The following FRMD4B variants were observed in gnomAD, a reference collection of about 807,000 sequenced individuals.
FRMD4B encodes FERM domain containing 4B.
Under a neutral mutation model 141.5 loss-of-function variants are expected in FRMD4B, and 74 were observed. That is an observed-to-expected ratio of 0.52 (90% confidence interval 0.43 to 0.63). The LOEUF (loss-of-function observed/expected upper bound fraction) is 0.63. Ranked by LOEUF, FRMD4B falls within the 30% of genes least tolerant of loss-of-function variation. FRMD4B has a pLI of 0.00. For synonymous variants in FRMD4B, 506 were observed against 467.9 expected, an observed-to-expected ratio of 1.08 and a Z score of -1.05; for missense variants, 1,366 against 1,253.4, an observed-to-expected ratio of 1.09 and a Z score of -1.36.
At chr3:69,402,742 G>A (rs1704586655) in intron 2 of FRMD4B, among the ~76,000 whole-genome samples, 1 of 152,186 alleles carries the variant, frequency 6.6e-6, no homozygotes, top group South Asian at 2.1e-4. Context: ...TAGACAGTAT[G>A]ACATGAGGGT....
intron 21 of FRMD4B, among the ~76,000 whole-genome samples, chr3:69,178,324 T>C (rs1333748016): frequency 6.6e-6 from 1 of 152,188 alleles, no homozygotes; most frequent in Non-Finnish European, 1.5e-5. Context: ...CACTCTGAGT[T>C]TGAGCTTCCA....
intron 1 of FRMD4B, among the ~76,000 whole-genome samples, chr3:69,522,352 G>A (rs1279314070): frequency 6.6e-6 from 1 of 151,126 alleles, no homozygotes; most frequent in Non-Finnish European, 1.5e-5. Flanking sequence ...CTATCCAGAA[G>A]TCAGATGAGG....
intron 1 of FRMD4B, among the ~76,000 whole-genome samples, chr3:69,374,731 A>C (rs1703919108): frequency 6.6e-6 from 1 of 152,196 alleles, no homozygotes; most frequent in South Asian, 2.1e-4. Context: ...AGTAGCATTA[A>C]GAGGCTAGTG....
chr3:69,437,746 T>C (rs1376027199), intron 1 of FRMD4B, among the ~76,000 whole-genome samples: 1 of 130,154 alleles, frequency 7.7e-6, no homozygotes, highest in Non-Finnish European at 1.5e-5. Context: ...TACAATACTA[T>C]ATAAAGTATG....
At chr3:69,316,243 C>T (rs1701799691) in intron 1 of FRMD4B, among the ~76,000 whole-genome samples, 1 of 152,142 alleles carries the variant, frequency 6.6e-6, no homozygotes, top group Admixed American at 6.5e-5. Context: ...TGGCCTAAGC[C>T]TATGTCCTTA....
chr3:69,244,397 G>T (rs74526351), intron 7 of FRMD4B, among the ~76,000 whole-genome samples: 2,732 of 152,280 alleles, frequency 0.018, 88 homozygotes, highest in African/African-American at 0.062. Context: ...GAATTAGGTG[G>T]TCAGTCATTG....
At chr3:69,310,044 G>A (rs9310147) in intron 3 of FRMD4B, among the ~76,000 whole-genome samples, 15 of 152,198 alleles carry the variant, frequency 9.9e-5, no homozygotes, top group African/African-American at 3.4e-4. Flanking sequence ...TCAAATGGTA[G>A]CTGTTGAGTG....
intron 1 of FRMD4B, among the ~76,000 whole-genome samples, chr3:69,517,556 G>C (rs900723064): frequency 4.6e-5 from 7 of 152,092 alleles, no homozygotes; most frequent in African/African-American, 1.7e-4. Flanking sequence ...CCTTTCAAAG[G>C]CTTCATGTGT....
chr3:69,200,828 T>C (rs1226345797), intron 11 of FRMD4B: 2 of 492,478 alleles, frequency 4.1e-6, no homozygotes, highest in Non-Finnish European at 7.7e-6. Flanking sequence ...CATGAACAGG[T>C]TCTACAGGAA....
chr3:69,303,991 TA>T (rs1189832532), intron 3 of FRMD4B, among the ~76,000 whole-genome samples: 8 of 151,784 alleles, frequency 5.3e-5, no homozygotes, highest in Non-Finnish European at 1.0e-4. Flanking sequence ...CCACAGCTTT[TA>T]AAAAAAGTAC....
At chr3:69,519,443 C>A (rs560882787) in intron 1 of FRMD4B, among the ~76,000 whole-genome samples, 1 of 152,184 alleles carries the variant, frequency 6.6e-6, no homozygotes, top group South Asian at 2.1e-4. Flanking sequence ...AGAACACTGA[C>A]CAATAACCAG....
chr3:69,306,676 G>A (rs1009739544), intron 3 of FRMD4B: 1 of 152,204 alleles, frequency 6.6e-6, no homozygotes, highest in African/African-American at 2.4e-5. Context: ...CATCATCACT[G>A]CTTTTATTGC....
chr3:69,364,868 T>G (rs568993731), intron 1 of FRMD4B, among the ~76,000 whole-genome samples: 1 of 152,130 alleles, frequency 6.6e-6, no homozygotes, highest in East Asian at 1.9e-4. Context: ...TCTCACTTGT[T>G]TTTTTAAAAA....
At chr3:69,506,291 C>T (rs1465165883) in intron 1 of FRMD4B, among the ~76,000 whole-genome samples, 1 of 151,996 alleles carries the variant, frequency 6.6e-6, no homozygotes, top group African/African-American at 2.4e-5. Context: ...TGTTGGAATT[C>T]TCTTACATGT....
intron 5 of FRMD4B, among the ~76,000 whole-genome samples, chr3:69,264,187 C>T (rs557663850): frequency 6.6e-6 from 1 of 152,262 alleles, no homozygotes; most frequent in African/African-American, 2.4e-5. Flanking sequence ...TTTGATGACT[C>T]TGTTTACATC....
At chr3:69,478,936 A>C (rs1418972687) in intron 1 of FRMD4B, among the ~76,000 whole-genome samples, 1 of 149,152 alleles carries the variant, frequency 6.7e-6, no homozygotes, top group Non-Finnish European at 1.5e-5. Context: ...TTCTTGTTGA[A>C]TTGATCCCTT....
intron 3 of FRMD4B, among the ~76,000 whole-genome samples, chr3:69,307,448 C>T (rs1253646744): frequency 2.0e-5 from 3 of 152,052 alleles, no homozygotes; most frequent in Non-Finnish European, 4.4e-5. Context: ...TTAAGTGATC[C>T]TCATGCCTCA....
At chr3:69,232,503 T>C (rs1022538536) in intron 7 of FRMD4B, among the ~76,000 whole-genome samples, 2 of 152,228 alleles carry the variant, frequency 1.3e-5, no homozygotes, top group Non-Finnish European at 2.9e-5. Flanking sequence ...ACAATTCCTT[T>C]GGTCATTCTG....
chr3:69,314,591 T>TG (rs1227239510), intron 1 of FRMD4B, among the ~76,000 whole-genome samples: 1 of 151,520 alleles, frequency 6.6e-6, no homozygotes, highest in African/African-American at 2.4e-5. Flanking sequence ...CCCAACACTT[T>TG]GGGGGGGCCA....
Sources: allele counts gnomAD v4.1 joint callset (sites outside exome capture counted in the v4.1 genomes callset), GRCh38; gene constraint gnomAD v4.1.1; transcripts MANE v1.5; gene names NCBI Gene and HGNC (gene_info 2026-07-23, HGNC 2026-07-21).